Variants in ERC1 observed in about 807,000 individuals in gnomAD.
ERC1 encodes RAB6 interacting protein 2.
Under a neutral mutation model 132.0 loss-of-function variants are expected in ERC1, and 56 were observed. The ratio of observed to expected loss-of-function variants is 0.42; its 90% CI spans 0.34 to 0.53. The LOEUF (loss-of-function observed/expected upper bound fraction) is 0.53. Among genes scored for constraint, ERC1 ranks in the 20% least tolerant of loss-of-function variants. The pLI is 0.03. For synonymous variants in ERC1, 478 were observed against 476.1 expected, an observed-to-expected ratio of 1.00 and a Z score of -0.05; for missense variants, 1,202 against 1,349.9, an observed-to-expected ratio of 0.89 and a Z score of 1.72.
chr12:1,316,618 CT>C (rs1437307336), intron 15 of ERC1, among the ~76,000 whole-genome samples: 1 of 152,132 alleles, frequency 6.6e-6, no homozygotes, highest in Non-Finnish European at 1.5e-5. Context: ...AATAGGAACG[CT>C]TTTATACTGT....
chr12:1,356,212 AAGTGT>A lies in ERC1; in HGVS notation c.2781-15620_2781-15616del, dbSNP rs1179041403. Among the ~76,000 whole-genome samples the A allele has an allele frequency of 4.5e-3, 533 of 119,082 alleles. 2 individuals are homozygous for A. Among genetic ancestry groups the A allele is most frequent in the African/African-American group, 0.015 (440 of 30,206 alleles). The allele number at this position is 119,082 out of a possible 152,430, so 78.1% of individuals were successfully genotyped here. On this transcript the variant is annotated intron_variant, in intron 15 of 18. Transcript: ENST00000360905. ...AAGTGAGACTGTCAAAAAAAAAAAAAAGTGTGTGTGTGTGTGTGTGTGTGTGTGTG... is the reference window on the plus strand; with the variant it reads ...AAGTGAGACTGTCAAAAAAAAAAAAAGTGTGTGTGTGTGTGTGTGTGTGTG...
At chr12:1,372,655 C>T (rs73040880) in intron 16 of ERC1, among the ~76,000 whole-genome samples, 9,199 of 152,254 alleles carry the variant, frequency 0.06, 318 homozygotes, top group South Asian at 0.12. Context: ...ATGTTTACAT[C>T]GGAGCCCTGC....
At chr12:1,424,864 C>T (rs7969785) in intron 17 of ERC1, among the ~76,000 whole-genome samples, 1 of 100,950 alleles carries the variant, frequency 9.9e-6, no homozygotes, top group Non-Finnish European at 2.1e-5. Flanking sequence ...ATAGATAGAT[C>T]GATAGATAGA....
intron 8 of ERC1, among the ~76,000 whole-genome samples, chr12:1,165,489 G>A (rs1351492342): frequency 1.3e-5 from 2 of 152,136 alleles, no homozygotes; most frequent in South Asian, 2.1e-4. Flanking sequence ...TGTATTTTTA[G>A]TAGAGACGGG....
At chr12:1,127,894 T>C (rs143584326) in intron 7 of ERC1, among the ~76,000 whole-genome samples, 1 of 152,206 alleles carries the variant, frequency 6.6e-6, no homozygotes, top group East Asian at 1.9e-4. Flanking sequence ...GAGATAGGGA[T>C]CTGAAGCCAA....
At chr12:1,413,205 A>G (rs1028735852) in intron 17 of ERC1, among the ~76,000 whole-genome samples, 8 of 152,172 alleles carry the variant, frequency 5.3e-5, no homozygotes, top group Non-Finnish European at 8.8e-5. Flanking sequence ...ATTAGCTGTC[A>G]AGCAGCCCTC....
chr12:1,398,171 A>T (rs1328527207), intron 16 of ERC1, among the ~76,000 whole-genome samples: 1 of 151,774 alleles, frequency 6.6e-6, no homozygotes, highest in African/African-American at 2.4e-5. Flanking sequence ...TTTTGTAGAG[A>T]TGGGGTTTCA....
intron 1 of ERC1, among the ~76,000 whole-genome samples, chr12:995,796 A>G (rs1326133396): frequency 1.3e-5 from 2 of 152,170 alleles, no homozygotes; most frequent in Non-Finnish European, 2.9e-5. Context: ...CATGGAACTT[A>G]CCTTCTAGAT....
chr12:1,179,662 T>C (rs1036502893), intron 8 of ERC1, among the ~76,000 whole-genome samples: 5 of 151,726 alleles, frequency 3.3e-5, no homozygotes, highest in Non-Finnish European at 7.4e-5. Flanking sequence ...CGCCCGCCAC[T>C]ACGCCCGGCT....
At position 1,181,064 on chromosome 12, in the gene ERC1, C is replaced by T. The variant is rs538060407; in HGVS notation, c.1875+387C>T. Reference sequence around the variant, plus strand: ...CTGACCTCAAGTGATCCACCCACCTCGGCCTCCCAAAGTGTTGGGATTACA... The same window carrying T: ...CTGACCTCAAGTGATCCACCCACCTTGGCCTCCCAAAGTGTTGGGATTACA... On this transcript the variant is annotated intron_variant, in intron 9 of 18. Transcript: ENST00000360905. Among the ~76,000 whole-genome samples the T allele has an allele frequency of 1.0e-3, 155 of 152,258 alleles. 1 individual carries two copies. Among genetic ancestry groups the T allele is most frequent in the South Asian group, 7.3e-3 (35 of 4,820 alleles).
intron 1 of ERC1, among the ~76,000 whole-genome samples, chr12:1,012,863 G>A (rs1964924153): frequency 1.3e-5 from 2 of 152,142 alleles, no homozygotes; most frequent in Admixed American, 1.3e-4. Flanking sequence ...TTATATATAA[G>A]CTAACTTTTC....
chr12:1,455,531 T>G (rs187169599), intron 18 of ERC1, among the ~76,000 whole-genome samples: 3 of 152,194 alleles, frequency 2.0e-5, no homozygotes, highest in African/African-American at 7.2e-5. Context: ...TTTCTCCTCA[T>G]GTATAAGATG....
chr12:1,318,298 C>A (rs2081902480), intron 15 of ERC1, among the ~76,000 whole-genome samples: 1 of 152,110 alleles, frequency 6.6e-6, no homozygotes, highest in African/African-American at 2.4e-5. Flanking sequence ...GGAATTAGAA[C>A]CCTATGGGTA....
intron 2 of ERC1, among the ~76,000 whole-genome samples, chr12:1,049,452 ATAATT>A (rs1971564004): frequency 6.6e-6 from 1 of 152,174 alleles, no homozygotes; most frequent in African/African-American, 2.4e-5. Flanking sequence ...AAACCCTCAG[ATAATT>A]TGATTTGATT....
At chr12:1,287,605 G>A (rs907112818) in intron 14 of ERC1, among the ~76,000 whole-genome samples, 14 of 152,290 alleles carry the variant, frequency 9.2e-5, no homozygotes, top group Admixed American at 3.9e-4. Context: ...GACTGCCTTC[G>A]AACTGGGACA....
intron 8 of ERC1, among the ~76,000 whole-genome samples, chr12:1,143,585 C>G (rs1950060477): frequency 1.4e-5 from 2 of 143,398 alleles, no homozygotes; most frequent in Admixed American, 1.4e-4. Context: ...AGTGCCCTAG[C>G]TTTTTTTTTT....
chr12:1,197,027 C>T (rs1052795960), intron 12 of ERC1, among the ~76,000 whole-genome samples: 1 of 140,870 alleles, frequency 7.1e-6, no homozygotes, highest in Non-Finnish European at 1.5e-5. Flanking sequence ...GTCACCCAGG[C>T]TGGAGTGCAA....
Position 1,104,780 on chromosome 12 carries a change from G to A in ERC1, c.1117G>A (p.Asp373Asn), listed in dbSNP as rs1945068473. 1 of 1,613,520 alleles carries A rather than the reference G, an allele frequency of 6.2e-7. No individual in the cohort carries two copies. Among genetic ancestry groups the A allele is most frequent in the African/African-American group, 1.3e-5 (1 of 74,902 alleles). Reference sequence around the variant, plus strand: ...GCATCGAAGGTTTGAGAATGCTCCTGATTCTGCCAAAACAAAAGCTCTGCA... The same window carrying A: ...GCATCGAAGGTTTGAGAATGCTCCTAATTCTGCCAAAACAAAAGCTCTGCA... ...EMHRRFENAPDSAKTKALQTV... is the reference protein window; with the variant it reads ...EMHRRFENAPNSAKTKALQTV... The change falls in exon 4 of 19, where the codon GAT becomes AAT. Residue 373 changes from aspartate to asparagine, a missense_variant. Asp to Asn is a conservative substitution (Grantham distance 23). Coordinates refer to ENST00000360905, the MANE Select transcript of ERC1 (RefSeq NM_178040.4).
intron 1 of ERC1, among the ~76,000 whole-genome samples, chr12:1,013,812 G>A (rs1028043060): frequency 6.6e-6 from 1 of 152,078 alleles, no homozygotes; most frequent in African/African-American, 2.4e-5. Flanking sequence ...GGTCGCTGCA[G>A]CCTTGAACTC....
Sources: allele counts gnomAD v4.1 joint callset (sites outside exome capture counted in the v4.1 genomes callset), GRCh38; gene constraint gnomAD v4.1.1; transcripts MANE v1.5; gene names NCBI Gene and HGNC (gene_info 2026-07-23, HGNC 2026-07-21).